The following TEP1 variants were observed in gnomAD, a reference collection of about 807,000 sequenced individuals.
TEP1 encodes the protein telomerase associated protein 1.
Under a neutral mutation model 306.3 loss-of-function variants are expected in TEP1, and 241 were observed. The ratio of observed to expected loss-of-function variants is 0.79; its 90% confidence interval spans 0.71 to 0.88. The LOEUF (loss-of-function observed/expected upper bound fraction) is 0.88, where lower values mean the gene tolerates loss of function less well. Among genes scored for constraint, TEP1 ranks in the 40% least tolerant of loss-of-function variants. The probability of loss-of-function intolerance (pLI) is 0.00; values close to 1 mark genes in which losing one functional copy is unlikely to be tolerated. For synonymous variants in TEP1, 1,289 were observed against 1,305.5 expected (o/e 0.99, Z 0.27); for missense variants, 3,051 against 3,276.1 (o/e 0.93, Z 1.68).
In TEP1 at chr14:20,377,492, C is replaced by A. The variant is rs768661847; in HGVS notation, c.5876G>T (p.Gly1959Val). ...DGIRIYKISS[G>V]SQGAQGQALD... ...TGCCTGACCCTGAGCCCCCTGGGAA[C>A]CTAGAGAATGAGAGAGAACAAGGGA... is the stretch of plus-strand genomic sequence containing the variant. The change falls in exon 41 of 55, where the codon GGT becomes GTT. Residue 1959 changes from glycine to valine, a missense_variant and splice_region_variant. Physicochemically the swap from Gly to Val is moderately radical, Grantham distance 109. Transcript: ENST00000262715. 1.2e-6 allele frequency: 2 copies of A among 1,613,620 alleles called. No individual in the cohort carries two copies. The highest frequency in any genetic ancestry group is 2.2e-5 in the South Asian group (2 of 91,066).
intron 43 of TEP1, among the ~76,000 whole-genome samples, chr14:20,375,100 A>C (rs1410064440): frequency 3.3e-5 from 5 of 151,772 alleles, no homozygotes; most frequent in Admixed American, 1.3e-4. Flanking sequence ...TCAAAACAAA[A>C]AAAAAAAAAA....
Position 20,368,220 on chromosome 14 carries a change from G to A in TEP1, c.*217C>T. Reference sequence around the variant, plus strand: ...AGTAAGGATTAATGTTGAATAAGAAGAGACACACATTAGAATGTACATATA... The same window carrying A: ...AGTAAGGATTAATGTTGAATAAGAAAAGACACACATTAGAATGTACATATA... On this transcript the variant is annotated 3_prime_UTR_variant, in exon 55 of 55. Transcript: ENST00000262715. The A allele has an allele frequency of 7.3e-6, 3 of 411,516 alleles. No homozygotes were observed. The highest frequency in any genetic ancestry group is 3.9e-5 in the East Asian group (1 of 25,428). 25.5% of individuals were successfully genotyped at this position (411,516 alleles called of 1,614,324 possible).
chr14:20,383,548 A>G lies in TEP1; in HGVS notation c.3807T>C (p.Asp1269=), dbSNP rs1161074622. Residue 1269 remains aspartate (D), a synonymous_variant, in exon 26 of 55, where the codon GAT becomes GAC. Transcript: ENST00000262715. The part of the protein sequence containing the change: ...QTQVLIIDGA[D]RLVDQNGQLI... ...GCTGCCCATTCTGGTCCACTAACCT[A>G]TCAGCCCCATCGATGATCAGGACCT... The G allele has an allele frequency of 6.2e-7, 1 of 1,614,160 alleles. No homozygotes were observed. The highest frequency in any genetic ancestry group is 8.5e-7 in the Non-Finnish European group (1 of 1,180,020).
chr14:20,399,579 G>A (rs1878488064), intron 9 of TEP1, among the ~76,000 whole-genome samples: 1 of 130,794 alleles, frequency 7.6e-6, no homozygotes, highest in Non-Finnish European at 1.5e-5. Context: ...GCTTACATCT[G>A]TAATCCCAGC....
chr14:20,375,710 C>G, intron 43 of TEP1, 45 bp downstream of exon 43: 1 of 1,367,490 alleles, frequency 7.3e-7, no homozygotes, highest in Non-Finnish European at 1.0e-6. Flanking sequence ...TGTCTTGCCC[C>G]AGGAACCCAG....
intron 9 of TEP1, among the ~76,000 whole-genome samples, chr14:20,399,007 T>A (rs1221690397): frequency 6.6e-6 from 1 of 152,080 alleles, no homozygotes; most frequent in Non-Finnish European, 1.5e-5. Context: ...TCCTCCTGCC[T>A]CAACCTCCCA....
rs1044977913 is a variant in TEP1, at chr14:20,381,638, G to C, written c.4473C>G (p.Leu1491=). The C allele has an allele frequency of 6.2e-7, 1 of 1,613,834 alleles. No individual in the cohort carries two copies. The highest frequency in any genetic ancestry group is 1.7e-4 in the Middle Eastern group (1 of 6,054). The change falls in exon 31 of 55, where the codon CTC becomes CTG. Residue 1491 remains leucine, a synonymous_variant. Transcript: ENST00000262715. This position sits in a 1 kb window ranked among gnomAD's most constrained non-coding sequence, Gnocchi z 4.0. The part of the protein sequence containing the change: ...PLERPGARLC[L]PDGPLRTAAK... ...CTGCTGTTCTCAGGGGCCCATCAGG[G>C]AGGCACAGCCGGGCACCAGGGCGCT...
chr14:20,390,276 T>C (rs2139108494), intron 15 of TEP1, among the ~76,000 whole-genome samples: 1 of 152,288 alleles, frequency 6.6e-6, no homozygotes, highest in Admixed American at 6.5e-5. Context: ...ATACTCAAAA[T>C]GTATAACTTC....
intron 17 of TEP1, 64 bp from the exon 18 acceptor site, chr14:20,388,127 GA>G (rs1877364549): frequency 1.9e-6 from 3 of 1,571,974 alleles, no homozygotes; most frequent in Non-Finnish European, 2.6e-6. Flanking sequence ...GAGGTCTTCC[GA>G]AAAGGGCAGG....
chr14:20,410,480 T>C (rs1284023019), intron 1 of TEP1, among the ~76,000 whole-genome samples: 1 of 152,094 alleles, frequency 6.6e-6, no homozygotes, highest in East Asian at 1.9e-4. Context: ...TGGAGTGCAA[T>C]GGCACGATCT....
rs1884991668 is a variant in TEP1, at chr14:20,373,602, T to C, written c.6605-19A>G. 3 of 1,613,966 alleles carry C rather than the reference T, an allele frequency of 1.9e-6. No homozygotes were observed. The highest frequency in any genetic ancestry group is 1.7e-5 in the Admixed American group (1 of 59,992). ...TGTCCAGCTGATAAGACACAGAGAC[T>C]GAGTCAGAAGAAGGGACGGAGCAGG... On this transcript the variant is annotated intron_variant, in intron 45 of 54. Transcript: ENST00000262715.
chr14:20,373,945 G>T, intron 44 of TEP1, 135 bp from the exon 45 acceptor site: 2 of 1,235,622 alleles, frequency 1.6e-6, no homozygotes, highest in Non-Finnish European at 2.2e-6. Context: ...GGAACAGTGG[G>T]GTTGGGTGGC....
In TEP1 at chr14:20,369,917, A is replaced by AGTCT. The variant is rs59667471; in HGVS notation, c.7318-139_7318-138insAGAC. ...CAACTTAGATACAATCAAGTGCGCA[A>AGTCT]ATTTTTTTTTTTTTGAGACGGAGTC... On this transcript the variant is annotated intron_variant, in intron 51 of 54. Coordinates refer to ENST00000262715, the MANE Select transcript of TEP1 (RefSeq NM_007110.5). The AGTCT allele has an allele frequency of 3.8e-3, 2,238 of 588,522 alleles. 7 individuals carry two copies. The highest frequency in any genetic ancestry group is 0.01 in the Middle Eastern group (21 of 2,048). 36.5% of individuals were successfully genotyped at this position (588,522 alleles called of 1,614,324 possible).
At chr14:20,403,592 C>T in intron 6 of TEP1, 131 bp downstream of exon 6, 3 of 1,584,154 alleles carry the variant, frequency 1.9e-6, no homozygotes, top group East Asian at 2.2e-5. Flanking sequence ...CCCATGAGCT[C>T]TACCCAGCTC....
intron 16 of TEP1, 24 bp downstream of exon 16, chr14:20,389,586 G>A (rs2139105004): frequency 6.2e-7 from 1 of 1,612,496 alleles, no homozygotes; most frequent in Non-Finnish European, 8.5e-7. Flanking sequence ...TCTGACACTG[G>A]GCAGGAAGTA....
rs1010198247 is a variant in TEP1, at chr14:20,382,031, T to A, written c.4306A>T (p.Ser1436Cys). The A allele has an allele frequency of 6.2e-7, 1 of 1,614,150 alleles. No homozygotes were observed. Among genetic ancestry groups the A allele is most frequent in the Middle Eastern group, 1.6e-4 (1 of 6,062 alleles). ...CCCTTCGGTAGTGTCCGCCACACAC[T>A]CAGCACTCCGTGCAGCTGGTCCACA... is the stretch of plus-strand genomic sequence containing the variant. ...LTVDQLHGVL[S>C]VWRTLPKGTK... The change falls in exon 30 of 55, where the codon AGT (serine) becomes TGT (cysteine). Residue 1436 changes from serine to cysteine, a missense_variant. Transcript: ENST00000262715.
At position 20,406,302 on chromosome 14, in the gene TEP1, G is replaced by A. The variant is rs750381601; in HGVS notation, c.666C>T (p.Ala222=). The A allele has an allele frequency of 2.3e-5, 37 of 1,613,886 alleles. No individual in the cohort carries two copies. The highest frequency in any genetic ancestry group is 3.3e-4 in the Middle Eastern group (2 of 6,084). ...CAGAGTCTCCAGAGGTGAGCTTCAC[G>A]GCCAGATCCTCCACCTCCTCCTCCT... ...LGEEEEVEDL[A]VKLTSGDSES... The change falls in exon 3 of 55, where the codon GCC becomes GCT. Residue 222 remains alanine, a synonymous_variant. Transcript: ENST00000262715.
rs1458502447 is a variant in TEP1, at chr14:20,365,719, C to G, written c.*2718G>C. ...TTGTCAGATATTACTTTTTAAATTCCTACACAGTTTCTAAATGGTTACTCT... is the reference window on the plus strand; with the variant it reads ...TTGTCAGATATTACTTTTTAAATTCGTACACAGTTTCTAAATGGTTACTCT... On this transcript the variant is annotated 3_prime_UTR_variant, in exon 55 of 55. Transcript: ENST00000262715. 2 of 152,096 alleles carry G rather than the reference C, an allele frequency of 1.3e-5. No individual in the cohort carries two copies. Among genetic ancestry groups the G allele is most frequent in the East Asian group, 3.9e-4 (2 of 5,192 alleles). 9.4% of individuals were successfully genotyped at this position (152,096 alleles called of 1,614,324 possible).
In TEP1 at chr14:20,406,537, C is replaced by T. The variant is rs564710669; in HGVS notation, c.568-137G>A. The T allele has an allele frequency of 3.0e-5, 26 of 860,528 alleles. 1 individual carries two copies. The highest frequency in any genetic ancestry group is 4.4e-5 in the Non-Finnish European group (24 of 542,974). 53.3% of individuals were successfully genotyped at this position (860,528 alleles called of 1,614,324 possible). A position where few individuals can be genotyped will look rare whatever the true frequency, so the allele number is the denominator to read the frequency against. ...GCACCTCTAATGTTCTCTCCCTTCA[C>T]ACACCAGCACTGATGTGTCCTGTCT... On this transcript the variant is annotated intron_variant, in intron 2 of 54. Transcript: ENST00000262715.
Sources: gnomAD v4.1 joint callset for allele counts (sites outside exome capture counted in the v4.1 genomes callset) on GRCh38, gnomAD v4.1.1 for gene constraint, Gnocchi (gnomAD v3.1) non-coding constraint, MANE v1.5 for transcripts, NCBI Gene and HGNC (gene_info 2026-07-23, HGNC 2026-07-21) for gene names.